The following TEAD1 variants were observed in gnomAD, a reference collection of about 807,000 sequenced individuals.
TEAD1 encodes transcriptional enhancer factor TEF-1.
Under a neutral mutation model 54.9 loss-of-function variants are expected in TEAD1, and 9 were observed. The observed-to-expected ratio is 0.16, with a 90% confidence interval of 0.10 to 0.29. TEAD1 has a LOEUF of 0.29. Among genes scored for constraint, TEAD1 ranks in the 10% least tolerant of loss-of-function variants. The pLI is 1.00. For synonymous variants in TEAD1, 200 were observed against 187.8 expected (o/e 1.07, Z -0.53); for missense variants, 387 against 535.9 (o/e 0.72, Z 2.74).
chr11:12,684,165 A>AG (rs1484642885), intron 2 of TEAD1, among the ~76,000 whole-genome samples: 2 of 151,190 alleles, frequency 1.3e-5, no homozygotes, highest in Non-Finnish European at 2.9e-5. Context: ...GGAGAGGCTG[A>AG]GGCAAGCCCA....
intron 12 of TEAD1, among the ~76,000 whole-genome samples, chr11:12,932,481 G>A (rs1478299977): frequency 1.3e-5 from 2 of 152,134 alleles, no homozygotes; most frequent in Non-Finnish European, 2.9e-5. Context: ...AAGGATGCAT[G>A]TTCTCAGTCC....
chr11:12,699,543 A>G (rs1018541281), intron 2 of TEAD1, among the ~76,000 whole-genome samples: 2 of 152,154 alleles, frequency 1.3e-5, no homozygotes, highest in African/African-American at 4.8e-5. Context: ...TTTGAAACTT[A>G]TATCTTCTGT....
rs1233796640 is a variant in TEAD1, at chr11:12,938,567, C to G, written c.*1345C>G. ...TTAGATACATCCTCTTGAAGCACAT[C>G]CATTTCTTTAGCGTCTCTCAGTAAG... On this transcript the variant is annotated 3_prime_UTR_variant, in exon 13 of 13. Coordinates refer to ENST00000527636, the MANE Select transcript of TEAD1 (RefSeq NM_021961.6). 1 of 152,212 alleles carries G rather than the reference C, an allele frequency of 6.6e-6. No individual in the cohort carries two copies. The highest frequency in any genetic ancestry group is 1.5e-5 in the Non-Finnish European group (1 of 68,040). 9.4% of individuals were successfully genotyped at this position (152,212 alleles called of 1,614,324 possible). A position where few individuals can be genotyped will look rare whatever the true frequency, so the allele number is the denominator to read the frequency against.
intron 3 of TEAD1, among the ~76,000 whole-genome samples, chr11:12,786,711 C>T (rs1945684439): frequency 6.6e-6 from 1 of 152,078 alleles, no homozygotes; most frequent in South Asian, 2.1e-4. Flanking sequence ...CAGTGAGCAA[C>T]AACAGACAAG....
At chr11:12,750,315 A>G (rs1004745531) in intron 2 of TEAD1, among the ~76,000 whole-genome samples, 3 of 152,158 alleles carry the variant, frequency 2.0e-5, no homozygotes, top group Non-Finnish European at 4.4e-5. Context: ...ATGAGCATTC[A>G]TTAGAATGGC....
chr11:12,918,589 T>G (rs1241568056), intron 10 of TEAD1, among the ~76,000 whole-genome samples: 1 of 152,068 alleles, frequency 6.6e-6, no homozygotes, highest in Non-Finnish European at 1.5e-5. Flanking sequence ...CTACCTCTTA[T>G]CTAAATGAAG....
chr11:12,731,920 G>T (rs1255600996), intron 2 of TEAD1, among the ~76,000 whole-genome samples: 1 of 152,102 alleles, frequency 6.6e-6, no homozygotes, highest in Non-Finnish European at 1.5e-5. Context: ...GATCCAGATT[G>T]GAGATCCTTT....
rs113601352 is a variant in TEAD1, at chr11:12,696,198, G to A, written c.-55+20637G>A. Among the ~76,000 whole-genome samples, 1,391 of 152,314 alleles carry A rather than the reference G, an allele frequency of 9.1e-3. 19 individuals are homozygous for A. The highest frequency in any genetic ancestry group is 0.031 in the African/African-American group (1,286 of 41,572). On this transcript the variant is annotated intron_variant, in intron 2 of 12. Coordinates refer to ENST00000527636, the MANE Select transcript of TEAD1 (RefSeq NM_021961.6). ...TCAGTGGCTGTCATGTACATTGTGT[G>A]TGTTTTTTTGTTTTGTTTTTGTTTC...
chr11:12,783,129 T>TGCGCGC (rs1945596651), intron 3 of TEAD1, among the ~76,000 whole-genome samples: 1 of 148,134 alleles, frequency 6.8e-6, no homozygotes, highest in African/African-American at 2.6e-5. Context: ...TGTGTGTGTG[T>TGCGCGC]GTGTGCGCGC....
At chr11:12,909,564 A>G (rs1275462073) in intron 10 of TEAD1, among the ~76,000 whole-genome samples, 1 of 152,118 alleles carries the variant, frequency 6.6e-6, no homozygotes, top group Non-Finnish European at 1.5e-5. Context: ...AGGACAGGTC[A>G]ATAGGTGCCA....
intron 4 of TEAD1, among the ~76,000 whole-genome samples, chr11:12,862,934 G>T (rs923892486): frequency 1.3e-5 from 2 of 151,684 alleles, no homozygotes; most frequent in African/African-American, 4.8e-5. Flanking sequence ...CGTTCTTTCA[G>T]ATGTAAAACA....
chr11:12,888,440 C>T (rs1364838469), intron 9 of TEAD1, among the ~76,000 whole-genome samples: 6 of 152,086 alleles, frequency 3.9e-5, no homozygotes, highest in African/African-American at 9.7e-5. Flanking sequence ...ACCCAAAAGG[C>T]GGAGGTGGCG....
intron 2 of TEAD1, among the ~76,000 whole-genome samples, chr11:12,688,687 A>G (rs572276613): frequency 1.3e-5 from 2 of 152,282 alleles, no homozygotes; most frequent in African/African-American, 4.8e-5. Context: ...GATTTTGAGT[A>G]AGTGATTAAC....
chr11:12,937,342 GC>G lies in TEAD1; in HGVS notation c.*124del. Reference sequence around the variant, plus strand: ...CCTCACCACACAGGGTGGTGCCCTGGCCCCGAGGTCACCCCGACTTTTCTAA... The same window carrying G: ...CCTCACCACACAGGGTGGTGCCCTGGCCCGAGGTCACCCCGACTTTTCTAA... On this transcript the variant is annotated 3_prime_UTR_variant, in exon 13 of 13. Transcript: ENST00000527636. 1.2e-6 allele frequency: 1 copy of G among 819,812 alleles called. No individual in the cohort carries two copies. Among genetic ancestry groups the G allele is most frequent in the Non-Finnish European group, 2.0e-6 (1 of 506,614 alleles). The allele number at this position is 819,812 out of a possible 1,614,324, so 50.8% of individuals were successfully genotyped here. A position where few individuals can be genotyped will look rare whatever the true frequency, so the allele number is the denominator to read the frequency against.
At chr11:12,678,115 G>A (rs1943136047) in intron 2 of TEAD1, among the ~76,000 whole-genome samples, 1 of 152,176 alleles carries the variant, frequency 6.6e-6, no homozygotes, top group South Asian at 2.1e-4. Flanking sequence ...TTTAGAGGTC[G>A]AATCTGTTTA....
chr11:12,694,100 G>A (rs1819864447), intron 2 of TEAD1, among the ~76,000 whole-genome samples: 1 of 152,254 alleles, frequency 6.6e-6, no homozygotes, highest in African/African-American at 2.4e-5. Context: ...AGCCAGGAAA[G>A]GCGGCAGGCT....
intron 2 of TEAD1, among the ~76,000 whole-genome samples, chr11:12,750,228 C>T (rs983199018): frequency 1.3e-5 from 2 of 152,028 alleles, no homozygotes; most frequent in Admixed American, 1.3e-4. Flanking sequence ...ATGTTGGGCT[C>T]GAGTGTGACC....
intron 11 of TEAD1, among the ~76,000 whole-genome samples, chr11:12,927,745 G>A (rs1476691694): frequency 6.6e-6 from 1 of 151,670 alleles, no homozygotes; most frequent in Non-Finnish European, 1.5e-5. Flanking sequence ...TCTCTTTCTT[G>A]TTAAATATAT....
At chr11:12,889,391 C>G (rs1948151962) in intron 9 of TEAD1, among the ~76,000 whole-genome samples, 1 of 2,076 alleles carries the variant, frequency 4.8e-4, no homozygotes, top group Non-Finnish European at 1.0e-3. Context: ...ACGGCGGGTT[C>G]CTCCAGCCCC....
Sources: gnomAD v4.1 joint callset for allele counts (sites outside exome capture counted in the v4.1 genomes callset) on GRCh38, gnomAD v4.1.1 for gene constraint, MANE v1.5 for transcripts, NCBI Gene and HGNC (gene_info 2026-07-23, HGNC 2026-07-21) for gene names.